The following OCA2 variants were observed in gnomAD, a reference collection of about 807,000 sequenced individuals.
The protein encoded by OCA2 is P protein.
Under a neutral mutation model 100.2 loss-of-function variants are expected in OCA2, and 77 were observed. The observed-to-expected ratio is 0.77, with a 90% CI of 0.64 to 0.93. The LOEUF (loss-of-function observed/expected upper bound fraction) is 0.93. Ranked by LOEUF, OCA2 falls within the 40% of genes least tolerant of loss-of-function variation. The pLI is 0.00. For synonymous variants in OCA2, 432 were observed against 439.2 expected (o/e 0.98, Z 0.21); for missense variants, 1,062 against 1,089.1 (o/e 0.98, Z 0.35).
chr15:28,024,968 T>C, intron 4 of OCA2, 66 bp from the exon 5 acceptor site: 1 of 1,472,134 alleles, frequency 6.8e-7, no homozygotes, highest in African/African-American at 1.4e-5. Context: ...CTCAGACACT[T>C]TTCTGCAGCC....
intron 18 of OCA2, 79 bp from the exon 19 acceptor site, chr15:27,926,333 T>C (rs2039043021): frequency 2.0e-6 from 3 of 1,506,276 alleles, no homozygotes; most frequent in Non-Finnish European, 2.8e-6. Context: ...CTGGTTGCCT[T>C]TTTCTTTATC....
intron 2 of OCA2, among the ~76,000 whole-genome samples, chr15:28,060,926 C>G (rs1388248754): frequency 6.6e-6 from 1 of 152,214 alleles, no homozygotes; most frequent in Non-Finnish European, 1.5e-5. Context: ...TTGGACCAGG[C>G]TCAGAGCTCC....
chr15:27,941,612 T>G (rs938545278), intron 18 of OCA2, among the ~76,000 whole-genome samples: 2 of 152,212 alleles, frequency 1.3e-5, no homozygotes, highest in African/African-American at 4.8e-5. Flanking sequence ...TCCCCGCATG[T>G]GGAGAATCAT....
intron 14 of OCA2, among the ~76,000 whole-genome samples, chr15:27,983,082 C>T (rs2041220522): frequency 6.6e-6 from 1 of 152,152 alleles, no homozygotes; most frequent in African/African-American, 2.4e-5. Flanking sequence ...ATTAATATAA[C>T]ATACTATGAC....
At chr15:27,835,994 T>C (rs1026647610) in intron 23 of OCA2, among the ~76,000 whole-genome samples, 1 of 152,204 alleles carries the variant, frequency 6.6e-6, no homozygotes, top group African/African-American at 2.4e-5. Flanking sequence ...CCAGCTCTCC[T>C]GACACCCTCC....
intron 23 of OCA2, among the ~76,000 whole-genome samples, chr15:27,817,808 C>T (rs1043063421): frequency 4.6e-5 from 7 of 152,168 alleles, no homozygotes; most frequent in African/African-American, 1.4e-4. Flanking sequence ...TGCATATAAA[C>T]TTTGGGGATC....
the OCA2 span, among the ~76,000 whole-genome samples, chr15:27,733,827 A>C: frequency 5.3e-5 from 8 of 151,984 alleles, no homozygotes; most frequent in African/African-American, 1.9e-4. Context: ...TAACTTATTA[A>C]AATATCATTT....
intron 5 of OCA2, among the ~76,000 whole-genome samples, chr15:28,022,814 AT>A (rs1158170641): frequency 2.0e-5 from 3 of 152,238 alleles, no homozygotes; most frequent in Non-Finnish European, 4.4e-5. Flanking sequence ...ATGCCTGGCC[AT>A]AAAATTAAAT....
chr15:27,906,637 T>A (rs1241229352), intron 19 of OCA2, among the ~76,000 whole-genome samples: 2 of 151,820 alleles, frequency 1.3e-5, no homozygotes, highest in African/African-American at 4.8e-5. Context: ...AAGATAAAAA[T>A]CATCAAGGCC....
chr15:27,973,751 T>C (rs2040878533), intron 14 of OCA2, among the ~76,000 whole-genome samples: 1 of 152,208 alleles, frequency 6.6e-6, no homozygotes, highest in Non-Finnish European at 1.5e-5. Context: ...AGGAATTGCA[T>C]TGAATCTGTA....
chr15:27,733,971 C>T, the OCA2 span, among the ~76,000 whole-genome samples: 1 of 151,746 alleles, frequency 6.6e-6, no homozygotes, highest in South Asian at 2.1e-4. Context: ...ACCAGCCTGG[C>T]CAACATGGTG....
In OCA2 at chr15:27,902,805, C is replaced by T. The variant is rs74424033; in HGVS notation, c.2079+23322G>A. The stretch of plus-strand genomic sequence containing the variant: ...CGCGGAAACACTACGTGCAGCCGAC[C>T]TGGCCTTTGGGGAGGCGGGCAGGCG... On this transcript the variant is annotated intron_variant, in intron 19 of 23. Coordinates refer to ENST00000354638, the MANE Select transcript of OCA2 (RefSeq NM_000275.3). 5.6e-3 allele frequency among the ~76,000 whole-genome samples: 857 copies of T among 152,342 alleles called. 6 individuals are homozygous for T. The highest frequency in any genetic ancestry group is 0.02 in the African/African-American group (822 of 41,584).
downstream of OCA2, among the ~76,000 whole-genome samples, chr15:27,752,814 C>CA (rs2030117029): frequency 1.0e-5 from 1 of 97,294 alleles, no homozygotes; most frequent in Non-Finnish European, 2.2e-5. Flanking sequence ...CCCCCCCCCC[C>CA]CCAGAGGCCC....
chr15:27,929,647 C>T (rs996588476), intron 18 of OCA2, among the ~76,000 whole-genome samples: 21 of 151,830 alleles, frequency 1.4e-4, no homozygotes, highest in African/African-American at 4.8e-4. Flanking sequence ...TGGACTTTAT[C>T]AAAATTATGA....
intron 23 of OCA2, among the ~76,000 whole-genome samples, chr15:27,792,547 C>T (rs549514896): frequency 6.5e-4 from 99 of 152,310 alleles, no homozygotes; most frequent in Non-Finnish European, 1.2e-3. Context: ...ACCTCCCACA[C>T]GAGCCACATG....
At chr15:27,815,995 A>T (rs1056969846) in intron 23 of OCA2, among the ~76,000 whole-genome samples, 1 of 152,098 alleles carries the variant, frequency 6.6e-6, no homozygotes, top group Non-Finnish European at 1.5e-5. Context: ...TTAGCCAGGC[A>T]TGGTGGTGGG....
In OCA2 at chr15:27,936,879, T is replaced by A. The variant is rs145874088; in HGVS notation, c.1952-10625A>T. ...TGGCTTAGGAAATGCCTCAATTACA[T>A]CAAGTGAGTCATTTAAAAGAGTTGA... On this transcript the variant is annotated intron_variant, in intron 18 of 23. Coordinates refer to ENST00000354638, the MANE Select transcript of OCA2 (RefSeq NM_000275.3). 8.4e-3 allele frequency among the ~76,000 whole-genome samples: 1,272 copies of A among 152,250 alleles called. 9 individuals are homozygous for A. The highest frequency in any genetic ancestry group is 0.014 in the Non-Finnish European group (922 of 68,024).
At chr15:28,019,578 G>A (rs191329466) in intron 6 of OCA2, among the ~76,000 whole-genome samples, 23 of 152,214 alleles carry the variant, frequency 1.5e-4, no homozygotes, top group East Asian at 5.8e-4. Context: ...GCTATTCACC[G>A]GCTAAAGGAG....
At chr15:27,834,698 G>C (rs1461083183) in intron 23 of OCA2, among the ~76,000 whole-genome samples, 2 of 152,208 alleles carry the variant, frequency 1.3e-5, no homozygotes, top group African/African-American at 4.8e-5. Context: ...GAGAATTAAA[G>C]GATCAGCTGG....
Sources: gnomAD v4.1 joint callset for allele counts (sites outside exome capture counted in the v4.1 genomes callset) on GRCh38, gnomAD v4.1.1 for gene constraint, MANE v1.5 for transcripts, NCBI Gene and HGNC (gene_info 2026-07-23, HGNC 2026-07-21) for gene names.